The following UGT2A3 variants were observed in gnomAD, a reference collection of about 807,000 sequenced individuals.
The protein encoded by UGT2A3 is UDP-glucuronosyltransferase 2A3.
UGT2A3 carries 55 observed loss-of-function variants against 44.1 expected under a neutral mutation model. The observed-to-expected ratio is 1.25, with a 90% confidence interval of 1.00 to 1.56. The LOEUF is 1.56. Among genes scored for constraint, UGT2A3 ranks in the 40% most tolerant of loss-of-function variants. The pLI, the probability that UGT2A3 is intolerant of heterozygous loss-of-function variation, is 0.00. For synonymous variants in UGT2A3, 243 were observed against 215.1 expected, an observed-to-expected ratio of 1.13 and a Z score of -1.13; for missense variants, 733 against 621.6, an observed-to-expected ratio of 1.18 and a Z score of -1.91.
chr4:68,945,824 T>C (rs940693399), intron 1 of UGT2A3, among the ~76,000 whole-genome samples: 1 of 151,552 alleles, frequency 6.6e-6, no homozygotes, highest in Non-Finnish European at 1.5e-5. Flanking sequence ...AAAATGCAAA[T>C]GAATTTATTA....
At position 68,929,915 on chromosome 4, in the gene UGT2A3, G is replaced by A; in HGVS notation, c.1482C>T (p.Phe494=). 1.2e-6 allele frequency: 2 copies of A among 1,613,482 alleles called. No homozygotes were observed. Among genetic ancestry groups the A allele is most frequent in the South Asian group, 2.2e-5 (2 of 91,060 alleles). The change falls in exon 6 of 6, where the codon TTC becomes TTT. Residue 494 remains phenylalanine (F), a synonymous_variant. Coordinates refer to ENST00000251566, the MANE Select transcript of UGT2A3 (RefSeq NM_024743.4). The stretch of plus-strand genomic sequence containing the variant: ...TAGCAGTTGCCACACAGGCCAGCAG[G>A]AACCCAATCACATCTATAGAGTAGT... ...FQHYSIDVIG[F]LLACVATAIF... is the part of the protein sequence containing the mutation.
In UGT2A3 at chr4:68,929,306, T is replaced by C. The variant is rs950442568; in HGVS notation, c.*507A>G. Reference sequence around the variant, plus strand: ...AATGCCATGTCATCATTATTAGCAATTTATTTTCTGAGATCACTGATGCTG... The same window carrying C: ...AATGCCATGTCATCATTATTAGCAACTTATTTTCTGAGATCACTGATGCTG... On this transcript the variant is annotated 3_prime_UTR_variant, in exon 6 of 6. Coordinates refer to ENST00000251566, the MANE Select transcript of UGT2A3 (RefSeq NM_024743.4). 3.3e-5 allele frequency: 5 copies of C among 152,316 alleles called. No homozygotes were observed. Among genetic ancestry groups the C allele is most frequent in the Non-Finnish European group, 7.3e-5 (5 of 68,146 alleles). The allele number at this position is 152,316 out of a possible 1,614,324, so 9.4% of individuals were successfully genotyped here. A position where few individuals can be genotyped will look rare whatever the true frequency, so the allele number is the denominator to read the frequency against.
At chr4:68,941,140 G>A (rs762835270) in intron 2 of UGT2A3, among the ~76,000 whole-genome samples, 1 of 151,562 alleles carries the variant, frequency 6.6e-6, no homozygotes, top group African/African-American at 2.4e-5. Context: ...TTCCTCTCTT[G>A]TCATGAGACC....
chr4:68,944,633 A>G (rs1013076202), intron 2 of UGT2A3, among the ~76,000 whole-genome samples: 3 of 151,794 alleles, frequency 2.0e-5, no homozygotes, highest in African/African-American at 7.2e-5. Flanking sequence ...TGTCCTGATA[A>G]CTATCGATAT....
In UGT2A3 at chr4:68,943,161, C is replaced by G. The variant is rs538589515; in HGVS notation, c.864+2145G>C. On this transcript the variant is annotated intron_variant, in intron 2 of 5. Coordinates refer to ENST00000251566, the MANE Select transcript of UGT2A3 (RefSeq NM_024743.4). ...ATAAATTATTACTGTATGGATCTAA[C>G]TTTTTTAAAAATATGACTTCTATGA... is the stretch of plus-strand genomic sequence containing the variant. 52 of 368,044 alleles carry G rather than the reference C, an allele frequency of 1.4e-4. 1 individual carries two copies. In the South Asian group the frequency reaches 1.5e-3, roughly 10 times the overall value. The allele number at this position is 368,044 out of a possible 1,614,324, so 22.8% of individuals were successfully genotyped here. A position where few individuals can be genotyped will look rare whatever the true frequency, so the allele number is the denominator to read the frequency against.
intron 2 of UGT2A3, among the ~76,000 whole-genome samples, chr4:68,938,767 C>T (rs191532562): frequency 1.3e-5 from 2 of 152,092 alleles, no homozygotes; most frequent in South Asian, 2.1e-4. Flanking sequence ...AAATTGTCCC[C>T]GTTTGCAGAT....
chr4:68,930,874 A>G, intron 4 of UGT2A3, 109 bp from the exon 5 acceptor site: 1 of 981,166 alleles, frequency 1.0e-6, no homozygotes, highest in Non-Finnish European at 1.5e-6. Flanking sequence ...AGCGTACAGC[A>G]CTTTCTTTAG....
chr4:68,943,089 T>A (rs541148473), intron 2 of UGT2A3, among the ~76,000 whole-genome samples: 1 of 151,838 alleles, frequency 6.6e-6, no homozygotes, highest in Non-Finnish European at 1.5e-5. Context: ...CCCTAAAATA[T>A]ATCTCAATTA....
In UGT2A3 at chr4:68,932,772, A is replaced by G. The variant is rs575690171; in HGVS notation, c.865-13T>C. The G allele has an allele frequency of 1.2e-6, 2 of 1,605,750 alleles. No individual in the cohort carries two copies. Among genetic ancestry groups the G allele is most frequent in the Non-Finnish European group, 1.7e-6 (2 of 1,176,292 alleles). ...AATTTTCCATTTCCTGAAGATAAAA[A>G]TTTATCTGCATTACAGAGGCATAAT... On this transcript the variant is annotated splice_polypyrimidine_tract_variant and intron_variant, in intron 2 of 5. Coordinates refer to ENST00000251566, the MANE Select transcript of UGT2A3 (RefSeq NM_024743.4).
At chr4:68,936,260 G>T (rs1309776771) in intron 2 of UGT2A3, among the ~76,000 whole-genome samples, 6 of 152,048 alleles carry the variant, frequency 3.9e-5, no homozygotes, top group Non-Finnish European at 4.4e-5. Flanking sequence ...ACACATAATT[G>T]TCAGATTCAC....
At chr4:68,935,276 G>GTGTATATATA (rs1474937828) in intron 2 of UGT2A3, among the ~76,000 whole-genome samples, 8 of 60,136 alleles carry the variant, frequency 1.3e-4, no homozygotes, top group African/African-American at 1.6e-4. Context: ...ATGTATGTAT[G>GTGTATATATA]TATATATATA....
rs1300880185 is a variant in UGT2A3 at position 68,945,465 on chromosome 4, G to T, written c.716-11C>A. 3.2e-6 allele frequency: 5 copies of T among 1,579,984 alleles called. No homozygotes were observed. Among genetic ancestry groups the T allele is most frequent in the South Asian group, 1.2e-5 (1 of 85,982 alleles). On this transcript the variant is annotated splice_polypyrimidine_tract_variant and intron_variant, in intron 1 of 5. Transcript: ENST00000251566. ...ATGTAGTGGGCCTTCCTCAATAAAA[G>T]AAATAACAGAATGAATTAGCATACA... is the stretch of plus-strand genomic sequence containing the variant.
At chr4:68,942,374 TTG>T (rs1303056452) in intron 2 of UGT2A3, among the ~76,000 whole-genome samples, 5 of 149,584 alleles carry the variant, frequency 3.3e-5, no homozygotes, top group African/African-American at 1.2e-4. Flanking sequence ...GATATGTATA[TTG>T]TGTGTGTTTA....
intron 1 of UGT2A3, among the ~76,000 whole-genome samples, chr4:68,948,208 A>G (rs1041465214): frequency 2.0e-5 from 3 of 151,844 alleles, no homozygotes; most frequent in Admixed American, 6.6e-5. Context: ...AGTCTTCTGC[A>G]TGACTTCCTA....
At chr4:68,948,724 T>G (rs1029830534) in intron 1 of UGT2A3, among the ~76,000 whole-genome samples, 1 of 151,926 alleles carries the variant, frequency 6.6e-6, no homozygotes, top group Non-Finnish European at 1.5e-5. Flanking sequence ...TTTAATTTCC[T>G]CCAAAAACTT....
In UGT2A3 at chr4:68,951,060, T is replaced by C. The variant is rs1035885673; in HGVS notation, c.701A>G (p.Tyr234Cys). The C allele has an allele frequency of 6.3e-7, 1 of 1,585,888 alleles. No homozygotes were observed. The highest frequency in any genetic ancestry group is 1.4e-5 in the African/African-American group (1 of 73,534). ...AAGTGTCTTACCTAATGCCTTACTA[T>C]AAAACTCTTCCCAAAAATGATAGTC... ...DYDYHFWEEF[Y>C]SKALGRPTTL... Residue 234 changes from tyrosine (Y) to cysteine (C), a missense_variant, in exon 1 of 6, where the codon TAT (tyrosine) becomes TGT (cysteine). Transcript: ENST00000251566.
chr4:68,944,562 A>G, intron 2 of UGT2A3, among the ~76,000 whole-genome samples: 1 of 151,814 alleles, frequency 6.6e-6, no homozygotes, highest in East Asian at 1.9e-4. Context: ...ATAGTATACA[A>G]TTTTATTTTC....
intron 3 of UGT2A3, among the ~76,000 whole-genome samples, chr4:68,931,784 G>C (rs1717745523): frequency 6.6e-6 from 1 of 151,820 alleles, no homozygotes; most frequent in African/African-American, 2.4e-5. Context: ...ATGTTCCACT[G>C]TTCAATGATA....
At chr4:68,950,629 A>C (rs1382668754) in intron 1 of UGT2A3, among the ~76,000 whole-genome samples, 1 of 151,878 alleles carries the variant, frequency 6.6e-6, no homozygotes, top group African/African-American at 2.4e-5. Context: ...AGAATTCTAG[A>C]AAATGTTCAA....
Sources: gnomAD v4.1 joint callset for allele counts (sites outside exome capture counted in the v4.1 genomes callset) on GRCh38, gnomAD v4.1.1 for gene constraint, MANE v1.5 for transcripts, NCBI Gene and HGNC (gene_info 2026-07-23, HGNC 2026-07-21) for gene names.